Variants in SNX24 observed in about 807,000 individuals in gnomAD.
The protein encoded by SNX24 is sorting nexin 24, also known as sorting nexin-24.
SNX24 carries 22 observed loss-of-function variants against 28.7 expected under a neutral mutation model. The ratio of observed to expected loss-of-function variants is 0.77; its 90% confidence interval spans 0.55 to 1.10. The LOEUF (loss-of-function observed/expected upper bound fraction) is 1.10, where lower values mean the gene tolerates loss of function less well. Among genes scored for constraint, SNX24 ranks in the 50% least tolerant of loss-of-function variants. The probability of loss-of-function intolerance (pLI) is 0.00; values close to 1 mark genes in which losing one functional copy is unlikely to be tolerated. For synonymous variants in SNX24, 69 were observed against 71.5 expected (o/e 0.96, Z 0.18); for missense variants, 221 against 201.1 (o/e 1.10, Z -0.60).
chr5:123,011,927 T>G (rs1253150730), downstream of SNX24, among the ~76,000 whole-genome samples: 1 of 152,170 alleles, frequency 6.6e-6, no homozygotes, highest in Admixed American at 6.5e-5. Flanking sequence ...TAATCTTAGT[T>G]CCCATAATCA....
chr5:122,983,540 T>G (rs1761474876), intron 3 of SNX24, among the ~76,000 whole-genome samples: 1 of 152,206 alleles, frequency 6.6e-6, no homozygotes, highest in African/African-American at 2.4e-5. Flanking sequence ...TAGCTTTCAG[T>G]GTTAGAATGA....
intron 1 of SNX24, among the ~76,000 whole-genome samples, chr5:122,904,560 A>G (rs1757570069): frequency 6.6e-6 from 1 of 152,124 alleles, no homozygotes. Flanking sequence ...AAGTTCTTTA[A>G]ATGCCTAGCC....
At chr5:122,893,036 G>C (rs1757042438) in intron 1 of SNX24, among the ~76,000 whole-genome samples, 1 of 152,020 alleles carries the variant, frequency 6.6e-6, no homozygotes, top group Admixed American at 6.6e-5. Context: ...AAAGTGCTGG[G>C]ATTACAGGCA....
At position 123,009,043 on chromosome 5, in the gene SNX24, C is replaced by G. The variant is rs1470083458; in HGVS notation, c.*1294C>G. The G allele has an allele frequency of 1.0e-6, 1 of 985,256 alleles. No homozygotes were observed. The highest frequency in any genetic ancestry group is 1.2e-6 in the Non-Finnish European group (1 of 829,514). The allele number at this position is 985,256 out of a possible 1,614,324, so 61.0% of individuals were successfully genotyped here. ...ATTCAGGTTTTAAGCCTGCTGCAAA[C>G]TTTTAAAATATTATGATAGATTCTG... On this transcript the variant is annotated 3_prime_UTR_variant, in exon 7 of 7. Coordinates refer to ENST00000261369, the MANE Select transcript of SNX24 (RefSeq NM_014035.4).
chr5:122,903,533 A>C (rs921845150), intron 1 of SNX24, among the ~76,000 whole-genome samples: 6 of 152,162 alleles, frequency 3.9e-5, no homozygotes, highest in Non-Finnish European at 7.3e-5. Context: ...TGACCTGCAA[A>C]TCATGCTTTA....
At chr5:123,003,604 A>G (rs1336483997) in intron 6 of SNX24, among the ~76,000 whole-genome samples, 2 of 152,218 alleles carry the variant, frequency 1.3e-5, no homozygotes, top group African/African-American at 4.8e-5. Context: ...TAGAATAGCC[A>G]AGATACTTGA....
intron 3 of SNX24, among the ~76,000 whole-genome samples, chr5:122,973,949 T>C (rs1328728557): frequency 6.6e-6 from 1 of 152,244 alleles, no homozygotes; most frequent in Non-Finnish European, 1.5e-5. Context: ...CTGGGTCATA[T>C]GGCTCAAGTG....
At chr5:122,976,721 A>C (rs1040642964) in intron 3 of SNX24, among the ~76,000 whole-genome samples, 8 of 152,238 alleles carry the variant, frequency 5.3e-5, no homozygotes, top group African/African-American at 1.9e-4. Flanking sequence ...CAAAGATTAC[A>C]CTGCTGAGGG....
chr5:122,913,110 C>T (rs1178218435), intron 1 of SNX24, among the ~76,000 whole-genome samples: 2 of 152,248 alleles, frequency 1.3e-5, no homozygotes, highest in Admixed American at 6.5e-5. Context: ...CCCATATCTA[C>T]GTCTTTCTAC....
At chr5:122,855,598 T>A (rs1755149915) in intron 1 of SNX24, among the ~76,000 whole-genome samples, 1 of 152,142 alleles carries the variant, frequency 6.6e-6, no homozygotes, top group Admixed American at 6.6e-5. Context: ...CTGGGCAACC[T>A]CATGAGACCC....
chr5:122,920,251 T>G (rs1581749404), intron 1 of SNX24, among the ~76,000 whole-genome samples: 1 of 152,166 alleles, frequency 6.6e-6, no homozygotes, highest in Admixed American at 6.5e-5. Flanking sequence ...AATTTAAATT[T>G]GTTAGAGCTC....
intron 1 of SNX24, among the ~76,000 whole-genome samples, chr5:122,880,534 G>C (rs1756431951): frequency 2.6e-5 from 4 of 152,158 alleles, no homozygotes. Flanking sequence ...CTTATGTCCA[G>C]CTCAACCCTT....
At chr5:122,958,809 C>A (rs971718539) in intron 3 of SNX24, among the ~76,000 whole-genome samples, 1 of 152,126 alleles carries the variant, frequency 6.6e-6, no homozygotes, top group Non-Finnish European at 1.5e-5. Context: ...ATCTGCCTGC[C>A]TCAGCCTTCT....
chr5:122,980,728 T>C (rs1216910263), intron 3 of SNX24, among the ~76,000 whole-genome samples: 1 of 150,712 alleles, frequency 6.6e-6, no homozygotes, highest in Non-Finnish European at 1.5e-5. Flanking sequence ...GTATCTAGTG[T>C]GACAGAGAAT....
intron 3 of SNX24, chr5:122,998,358 A>G (rs1762123582): frequency 6.6e-6 from 1 of 152,166 alleles, no homozygotes; most frequent in Admixed American, 6.5e-5. Context: ...GTTGTTGTTT[A>G]GTGTGTGTGT....
At chr5:123,025,406 G>T (rs1762837252) in intron 5 of SNX24, among the ~76,000 whole-genome samples, 1 of 152,156 alleles carries the variant, frequency 6.6e-6, no homozygotes, top group African/African-American at 2.4e-5. Context: ...TATAGTATTT[G>T]TCTTCCTACG....
chr5:122,935,676 C>T (rs1022526879), intron 1 of SNX24, among the ~76,000 whole-genome samples: 1 of 152,106 alleles, frequency 6.6e-6, no homozygotes, highest in African/African-American at 2.4e-5. Context: ...AAATATAGAG[C>T]CATAGCAATC....
chr5:123,000,644 C>T (rs1370096919), intron 4 of SNX24, among the ~76,000 whole-genome samples: 1 of 152,186 alleles, frequency 6.6e-6, no homozygotes, highest in Non-Finnish European at 1.5e-5. Context: ...GGTTTGATAT[C>T]ATCAGCAATT....
intron 1 of SNX24, among the ~76,000 whole-genome samples, chr5:122,935,586 C>T (rs1759146307): frequency 6.6e-6 from 1 of 152,124 alleles, no homozygotes; most frequent in South Asian, 2.1e-4. Context: ...GATTTTGTTT[C>T]TGATTCAAAG....
Sources: allele counts gnomAD v4.1 joint callset (sites outside exome capture counted in the v4.1 genomes callset), GRCh38; gene constraint gnomAD v4.1.1; transcripts MANE v1.5; gene names NCBI Gene and HGNC (gene_info 2026-07-23, HGNC 2026-07-21).